HNF4A: variants seen among roughly 807,000 people sequenced by gnomAD.
HNF4A encodes the protein hepatocyte nuclear factor 4 alpha.
A neutral mutation model predicts 52.4 loss-of-function variants in HNF4A; 15 were observed. The ratio of observed to expected loss-of-function variants is 0.29; its 90% CI spans 0.19 to 0.44. The LOEUF is 0.44. Ranked by LOEUF, HNF4A falls within the 20% of genes least tolerant of loss-of-function variation. The pLI is 1.00. For synonymous variants in HNF4A, 280 were observed against 264.4 expected (o/e 1.06, Z -0.57); for missense variants, 479 against 647.2 (o/e 0.74, Z 2.82).
In HNF4A at chr20:44,385,059, CTTTTTTTTTTTT is replaced by C. The variant is rs775721024; in HGVS notation, c.50-20982_50-20971del. On this transcript the variant is annotated intron_variant, in intron 1 of 9. Coordinates refer to the HNF4A transcript ENST00000316673. ...AGTGGTTTCAGCTGAACTCTGTGATCTTTTTTTTTTTTTTTTTTTTTTTTTTTTGCCTATTCC... is the reference window on the plus strand; with the variant it reads ...AGTGGTTTCAGCTGAACTCTGTGATCTTTTTTTTTTTTTTTTGCCTATTCC... Among the ~76,000 whole-genome samples, 129 of 34,992 alleles carry C rather than the reference CTTTTTTTTTTTT, an allele frequency of 3.7e-3. 3 individuals carry two copies. Among genetic ancestry groups the C allele is most frequent in the South Asian group, 0.027 (10 of 376 alleles). 23.0% of individuals were successfully genotyped at this position (34,992 alleles called of 152,430 possible). A position where few individuals can be genotyped will look rare whatever the true frequency, so the allele number is the denominator to read the frequency against.
chr20:44,414,705 G>T, intron 5 of HNF4A, 43 bp downstream of exon 5: 1 of 1,559,074 alleles, frequency 6.4e-7, no homozygotes. Flanking sequence ...GGCAGTGGGC[G>T]GGGCAGCCAG....
intron 1 of HNF4A, among the ~76,000 whole-genome samples, chr20:44,377,232 C>A (rs145082570): frequency 4.6e-5 from 7 of 152,020 alleles, no homozygotes; most frequent in African/African-American, 9.6e-5. Flanking sequence ...GGGGGCTAAA[C>A]CTTGGGTACA....
At chr20:44,407,969 T>G (rs1197169231) in intron 3 of HNF4A, among the ~76,000 whole-genome samples, 1 of 152,130 alleles carries the variant, frequency 6.6e-6, no homozygotes, top group Admixed American at 6.6e-5. Flanking sequence ...TCACGTGATC[T>G]CCAAAGTCTT....
chr20:44,382,806 A>G (rs1368033850), intron 1 of HNF4A, among the ~76,000 whole-genome samples: 3 of 152,170 alleles, frequency 2.0e-5, no homozygotes, highest in African/African-American at 7.2e-5. Context: ...TACACTAAAT[A>G]AATAAATCAT....
chr20:44,427,957 A>C (rs962466826), intron 8 of HNF4A, among the ~76,000 whole-genome samples: 1 of 152,234 alleles, frequency 6.6e-6, no homozygotes, highest in African/African-American at 2.4e-5. Flanking sequence ...TGAGGCTGAA[A>C]GGTGAGGCGG....
chr20:44,429,817 A>AG lies in HNF4A; in HGVS notation c.*155dup, dbSNP rs2063857371. 1 of 771,782 alleles carries AG rather than the reference A, an allele frequency of 1.3e-6. No homozygotes were observed. The highest frequency in any genetic ancestry group is 1.7e-5 in the African/African-American group (1 of 57,282). The allele number at this position is 771,782 out of a possible 1,614,324, so 47.8% of individuals were successfully genotyped here. On this transcript the variant is annotated 3_prime_UTR_variant, in exon 10 of 10. Coordinates refer to ENST00000316099, the MANE Select transcript of HNF4A (RefSeq NM_000457.6). ...ATGAAGGGCCCGAGAACATGGCCTA[A>AG]GGGCCACATCCCACTGCCACCCTTG...
chr20:44,378,725 C>T (rs527860348), intron 1 of HNF4A, among the ~76,000 whole-genome samples: 3 of 151,896 alleles, frequency 2.0e-5, no homozygotes, highest in Admixed American at 6.6e-5. Flanking sequence ...GGAGAAACCT[C>T]GTCTCTACTA....
chr20:44,429,596 C>T lies in HNF4A; in HGVS notation c.1356C>T (p.Ala452=), dbSNP rs530389600. 1.1e-5 allele frequency: 18 copies of T among 1,613,894 alleles called. No homozygotes were observed. The highest frequency in any genetic ancestry group is 1.6e-4 in the Middle Eastern group (1 of 6,084). Residue 452 remains alanine (A), a synonymous_variant, in exon 10 of 10, where the codon GCC becomes GCT. Coordinates refer to ENST00000316099, the MANE Select transcript of HNF4A (RefSeq NM_000457.6). ...AGCCCTATAAGCTCCTGCCGGGAGC[C>T]GTCGCCACAATCGTCAAGCCCCTCT...
intron 1 of HNF4A, chr20:44,402,551 C>A: frequency 5.9e-6 from 8 of 1,364,046 alleles, no homozygotes; most frequent in Non-Finnish European, 7.8e-6. Flanking sequence ...TGTCTCTGAG[C>A]AGATTTTGTT....
chr20:44,426,623 C>T (rs902930946), intron 8 of HNF4A, among the ~76,000 whole-genome samples: 1 of 151,822 alleles, frequency 6.6e-6, no homozygotes, highest in Non-Finnish European at 1.5e-5. Flanking sequence ...GGCAACACAG[C>T]AAAACACCAT....
At chr20:44,411,890 T>A (rs1308427533) in intron 3 of HNF4A, among the ~76,000 whole-genome samples, 3 of 142,380 alleles carry the variant, frequency 2.1e-5, no homozygotes, top group African/African-American at 8.3e-5. Context: ...ACCCCGTCTC[T>A]CAAAAAAAAA....
intron 8 of HNF4A, chr20:44,424,505 G>A: frequency 1.9e-6 from 2 of 1,031,142 alleles, no homozygotes; most frequent in South Asian, 2.8e-5. Context: ...CAAAGAACAA[G>A]ATCTTTGCCC....
chr20:44,358,694 TCTC>T (rs1165369007), intron 1 of HNF4A, among the ~76,000 whole-genome samples: 1 of 152,146 alleles, frequency 6.6e-6, no homozygotes, highest in Non-Finnish European at 1.5e-5. Flanking sequence ...ACATTAATCA[TCTC>T]CTAAGATGAC....
intron 5 of HNF4A, among the ~76,000 whole-genome samples, chr20:44,415,881 A>G (rs1158307608): frequency 6.6e-6 from 1 of 152,034 alleles, no homozygotes; most frequent in Non-Finnish European, 1.5e-5. Flanking sequence ...GATCTTGGAC[A>G]ATCCGCCCCT....
At chr20:44,401,628 T>C in intron 1 of HNF4A, 7 of 1,112,390 alleles carry the variant, frequency 6.3e-6, no homozygotes, top group Non-Finnish European at 9.1e-6. Flanking sequence ...AGCACAGGTG[T>C]TGCCAAGTGA....
chr20:44,433,505 A>AC (rs1191658762), downstream of HNF4A: 4 of 151,856 alleles, frequency 2.6e-5, no homozygotes, highest in East Asian at 1.9e-4. Context: ...ATATAAGGAG[A>AC]CCCCATCTCT....
chr20:44,374,079 T>G (rs1260447449), intron 1 of HNF4A, among the ~76,000 whole-genome samples: 1 of 152,186 alleles, frequency 6.6e-6, no homozygotes, highest in Non-Finnish European at 1.5e-5. Context: ...AGGCTATGAT[T>G]GAGCTCATCA....
At chr20:44,402,675 T>G in intron 1 of HNF4A, 3 of 1,278,502 alleles carry the variant, frequency 2.3e-6, no homozygotes, top group Non-Finnish European at 3.1e-6. Context: ...CGGAAACCCC[T>G]CCTGGAGGGA....
At chr20:44,388,443 G>A (rs539766702) in intron 1 of HNF4A, among the ~76,000 whole-genome samples, 5 of 147,452 alleles carry the variant, frequency 3.4e-5, no homozygotes, top group African/African-American at 7.7e-5. Context: ...AAGGGCAGCG[G>A]CTGCTACCCT....
Sources: allele counts gnomAD v4.1 joint callset (sites outside exome capture counted in the v4.1 genomes callset), GRCh38; gene constraint gnomAD v4.1.1; transcripts MANE v1.5; gene names NCBI Gene and HGNC (gene_info 2026-07-23, HGNC 2026-07-21).